Variants in AASDHPPT observed in about 807,000 individuals in gnomAD.
The protein encoded by AASDHPPT is aminoadipate-semialdehyde dehydrogenase-phosphopantetheinyl transferase, also known as L-aminoadipate-semialdehyde dehydrogenase-phosphopantetheinyl transferase.
A neutral mutation model predicts 36.4 loss-of-function variants in AASDHPPT; 23 were observed. The ratio of observed to expected loss-of-function variants is 0.63; its 90% CI spans 0.45 to 0.89. The LOEUF is 0.89. AASDHPPT is among the 40% of genes least tolerant of loss of function. AASDHPPT has a pLI of 0.00. For synonymous variants in AASDHPPT, 115 were observed against 128.0 expected (o/e 0.90, Z 0.68); for missense variants, 377 against 378.2 (o/e 1.00, Z 0.03).
At position 106,079,540 on chromosome 11, in the gene AASDHPPT, G is replaced by A. The variant is rs986390209; in HGVS notation, c.257G>A (p.Arg86Lys). The change falls in exon 2 of 6, where the codon AGA becomes AAA. Residue 86 changes from arginine (R) to lysine (K), a missense_variant. Coordinates refer to ENST00000278618, the MANE Select transcript of AASDHPPT (RefSeq NM_015423.3). ...CCTTGGAATCATATTCGTTTGCAAAGAACTGCAAAAGGAAAACCAGTTCTT... is the reference window on the plus strand; with the variant it reads ...CCTTGGAATCATATTCGTTTGCAAAAAACTGCAAAAGGAAAACCAGTTCTT... ...NIPWNHIRLQ[R>K]TAKGKPVLAK... 9.3e-6 allele frequency: 15 copies of A among 1,614,120 alleles called. No individual in the cohort carries two copies. The highest frequency in any genetic ancestry group is 1.2e-5 in the Non-Finnish European group (14 of 1,179,986).
chr11:106,079,747 T>A, intron 2 of AASDHPPT, 55 bp downstream of exon 2: 1 of 1,454,046 alleles, frequency 6.9e-7, no homozygotes, highest in Non-Finnish European at 9.6e-7. Flanking sequence ...CTCAGTTCTA[T>A]TGCTATTGAG....
In AASDHPPT at chr11:106,083,838, G is replaced by A. The variant is rs141055623; in HGVS notation, c.409+4146G>A. Reference sequence around the variant, plus strand: ...TAGTTGACTATGATGTCGAGTTGCAGTAAATCTTTTTATGAATTCTTTTCA... The same window carrying A: ...TAGTTGACTATGATGTCGAGTTGCAATAAATCTTTTTATGAATTCTTTTCA... On this transcript the variant is annotated intron_variant, in intron 2 of 5. Coordinates refer to ENST00000278618, the MANE Select transcript of AASDHPPT (RefSeq NM_015423.3). Among the ~76,000 whole-genome samples the A allele has an allele frequency of 6.5e-3, 991 of 152,164 alleles. 13 individuals are homozygous for A. Among genetic ancestry groups the A allele is most frequent in the African/African-American group, 0.022 (928 of 41,546 alleles).
At chr11:106,092,903 TATG>T (rs1457485207) in intron 4 of AASDHPPT, 1 of 152,216 alleles carries the variant, frequency 6.6e-6, no homozygotes, top group Non-Finnish European at 1.5e-5. Flanking sequence ...TATGCTATGC[TATG>T]ATGTTTGGTA....
At position 106,077,741 on chromosome 11, in the gene AASDHPPT, G is replaced by A. The variant is rs773364682; in HGVS notation, c.31G>A (p.Val11Met). 3 of 1,614,012 alleles carry A rather than the reference G, an allele frequency of 1.9e-6. No individual in the cohort carries two copies. The East Asian group carries it at 6.7e-5, about 36-fold the overall frequency. The change falls in exon 1 of 6, where the codon GTG (valine) becomes ATG (methionine). Residue 11 changes from valine to methionine, a missense_variant. Transcript: ENST00000278618. Reference protein sequence around the residue: MVFPAKRFCLVPSMEGVRWAF... With the variant: MVFPAKRFCLMPSMEGVRWAF... ...TTTCCCTGCCAAACGGTTCTGCTTG[G>A]TGCCATCCATGGAGGGCGTGCGCTG...
chr11:106,090,100 T>C (rs1388912656), intron 2 of AASDHPPT, among the ~76,000 whole-genome samples: 2 of 152,176 alleles, frequency 1.3e-5, no homozygotes, highest in African/African-American at 4.8e-5. Flanking sequence ...TTTTTTTCTC[T>C]GTTACATAAC....
In AASDHPPT at chr11:106,079,190, T is replaced by A. The variant is rs140708519; in HGVS notation, c.184-277T>A. Among the ~76,000 whole-genome samples the A allele has an allele frequency of 5.7e-3, 868 of 152,304 alleles. 8 individuals carry two copies. Among genetic ancestry groups the A allele is most frequent in the Non-Finnish European group, 9.2e-3 (625 of 68,018 alleles). ...TTTATATGTAGAGTTAGCAAAAACA[T>A]GTAAATGCACATATATTTAAATACA... On this transcript the variant is annotated intron_variant, in intron 1 of 5. Coordinates refer to ENST00000278618, the MANE Select transcript of AASDHPPT (RefSeq NM_015423.3).
At chr11:106,092,252 G>T (rs1261482362) in intron 4 of AASDHPPT, 1 of 152,150 alleles carries the variant, frequency 6.6e-6, no homozygotes, top group Non-Finnish European at 1.5e-5. Context: ...CCCTGGCCTA[G>T]CTTGGGCTAG....
At chr11:106,084,685 G>A (rs138048758) in intron 2 of AASDHPPT, among the ~76,000 whole-genome samples, 2 of 151,948 alleles carry the variant, frequency 1.3e-5, no homozygotes, top group African/African-American at 2.4e-5. Context: ...CCAGGCTGGA[G>A]TACATTGGTG....
chr11:106,092,398 T>C (rs1861264298), intron 4 of AASDHPPT: 2 of 152,012 alleles, frequency 1.3e-5, no homozygotes, highest in African/African-American at 4.8e-5. Flanking sequence ...AGATGTTAAG[T>C]TTGAGATACC....
At chr11:106,077,992 C>T in intron 1 of AASDHPPT, 99 bp downstream of exon 1, 1 of 1,422,592 alleles carries the variant, frequency 7.0e-7, no homozygotes, top group Non-Finnish European at 9.4e-7. Context: ...TGGCCGCGAC[C>T]CTCTCGCTGT....
At chr11:106,082,565 A>G (rs974729938) in intron 2 of AASDHPPT, among the ~76,000 whole-genome samples, 45 of 152,166 alleles carry the variant, frequency 3.0e-4, no homozygotes, top group African/African-American at 1.0e-3. Flanking sequence ...GTCTTGTCCT[A>G]TAGGTAAGAA....
At chr11:106,091,555 T>C (rs938065514) in intron 4 of AASDHPPT, 78 bp downstream of exon 4, 1 of 1,418,238 alleles carries the variant, frequency 7.1e-7, no homozygotes, top group Non-Finnish European at 9.4e-7. Flanking sequence ...TTGGGTAAGC[T>C]AGTCACTGAA....
chr11:106,098,371 A>G lies in AASDHPPT; in HGVS notation c.*1464A>G, dbSNP rs1300905714. The G allele has an allele frequency of 6.6e-6, 1 of 152,108 alleles. No individual in the cohort carries two copies. The highest frequency in any genetic ancestry group is 6.6e-5 in the Admixed American group (1 of 15,256). The allele number at this position is 152,108 out of a possible 1,614,324, so 9.4% of individuals were successfully genotyped here. ...TGCCAGGACCATCATATTGATGACA[A>G]AAATCTATTATGTGGTTGTAGTGCA... On this transcript the variant is annotated 3_prime_UTR_variant, in exon 6 of 6. Coordinates refer to ENST00000278618, the MANE Select transcript of AASDHPPT (RefSeq NM_015423.3).
At chr11:106,084,273 A>G (rs1861174273) in intron 2 of AASDHPPT, among the ~76,000 whole-genome samples, 1 of 152,180 alleles carries the variant, frequency 6.6e-6, no homozygotes, top group Non-Finnish European at 1.5e-5. Context: ...GAAAATACAC[A>G]TAGTCTTTGA....
chr11:106,094,743 A>G (rs766040559), intron 5 of AASDHPPT, 89 bp downstream of exon 5: 26 of 995,930 alleles, frequency 2.6e-5, no homozygotes, highest in Admixed American at 1.1e-4. Flanking sequence ...TTTGCCTTAT[A>G]TCAGTTTAGA....
intron 2 of AASDHPPT, among the ~76,000 whole-genome samples, chr11:106,083,056 C>A (rs1861159873): frequency 6.6e-6 from 1 of 151,544 alleles, no homozygotes; most frequent in African/African-American, 2.4e-5. Flanking sequence ...TTTTTAAATG[C>A]ACTTGGGATT....
chr11:106,094,610 G>C lies in AASDHPPT; in HGVS notation c.721G>C (p.Val241Leu). Residue 241 changes from valine (V) to leucine (L), a missense_variant, in exon 5 of 6, where the codon GTT becomes CTT. Coordinates refer to ENST00000278618, the MANE Select transcript of AASDHPPT (RefSeq NM_015423.3). ...AAGCAAAATAGATGAGCACCATTTT[G>C]TTGCAGTTGCTCTTAGGAAACCCGA... is the stretch of plus-strand genomic sequence containing the variant. Reference protein sequence around the residue: ...EESKIDEHHFVAVALRKPDGS... With the variant: ...EESKIDEHHFLAVALRKPDGS... The C allele has an allele frequency of 3.1e-6, 5 of 1,607,674 alleles. No homozygotes were observed. Among genetic ancestry groups the C allele is most frequent in the Non-Finnish European group, 4.2e-6 (5 of 1,177,094 alleles).
chr11:106,093,955 TACTAACATC>T (rs1382438916), intron 4 of AASDHPPT: 3 of 151,926 alleles, frequency 2.0e-5, no homozygotes, highest in Non-Finnish European at 2.9e-5. Flanking sequence ...TTATTATACA[TACTAACATC>T]ACCAGTGAAG....
At position 106,093,886 on chromosome 11, in the gene AASDHPPT, T is replaced by C. The variant is rs189305021; in HGVS notation, c.694-697T>C. The C allele has an allele frequency of 5.9e-5, 9 of 151,964 alleles. No individual in the cohort carries two copies. In the East Asian group the frequency reaches 1.6e-3, roughly 26 times the overall value. 9.4% of individuals were successfully genotyped at this position (151,964 alleles called of 1,614,324 possible). On this transcript the variant is annotated intron_variant, in intron 4 of 5. Transcript: ENST00000278618. ...ATTTTTCATACGTGATAGTATGTAG[T>C]TTACTAAATGCTTACATACCAATGT...
Sources: allele counts gnomAD v4.1 joint callset (sites outside exome capture counted in the v4.1 genomes callset), GRCh38; gene constraint gnomAD v4.1.1; transcripts MANE v1.5; gene names NCBI Gene and HGNC (gene_info 2026-07-23, HGNC 2026-07-21).